HECW1: variants seen among roughly 807,000 people sequenced by gnomAD.
HECW1 encodes the protein HECT, C2 and WW domain containing E3 ubiquitin protein ligase 1.
HECW1 carries 61 observed loss-of-function variants against 182.3 expected under a neutral mutation model. The ratio of observed to expected loss-of-function variants is 0.33; its 90% CI spans 0.27 to 0.41. The LOEUF (loss-of-function observed/expected upper bound fraction) is 0.41. HECW1 is among the 10% of genes least tolerant of loss of function. The pLI, the probability that HECW1 is intolerant of heterozygous loss-of-function variation, is 1.00. For synonymous variants in HECW1, 859 were observed against 832.6 expected, an observed-to-expected ratio of 1.03 and a Z score of -0.55; for missense variants, 1,739 against 2,108.9, an observed-to-expected ratio of 0.82 and a Z score of 3.44.
At chr7:43,185,059 C>A (rs1583865722) in intron 2 of HECW1, among the ~76,000 whole-genome samples, 2 of 152,118 alleles carry the variant, frequency 1.3e-5, no homozygotes, top group African/African-American at 2.4e-5. Context: ...GGGGATTACA[C>A]TTTAACATGA....
At chr7:43,377,108 C>T (rs2074363299) in intron 6 of HECW1, among the ~76,000 whole-genome samples, 1 of 152,148 alleles carries the variant, frequency 6.6e-6, no homozygotes, top group East Asian at 1.9e-4. Flanking sequence ...TCAGAGATGC[C>T]TGGGACTGTG....
At chr7:43,288,118 A>G (rs1386580724) in intron 3 of HECW1, among the ~76,000 whole-genome samples, 2 of 152,198 alleles carry the variant, frequency 1.3e-5, no homozygotes, top group Admixed American at 6.5e-5. Flanking sequence ...TGTTTCATCA[A>G]GAGTGTTATA....
chr7:43,538,434 A>T (rs1334080203), intron 24 of HECW1, among the ~76,000 whole-genome samples: 1 of 152,210 alleles, frequency 6.6e-6, no homozygotes, highest in East Asian at 1.9e-4. Context: ...AACATAAAAA[A>T]CTAATAGCAA....
chr7:43,139,658 GTT>G (rs1787949251), intron 2 of HECW1, among the ~76,000 whole-genome samples: 1 of 151,804 alleles, frequency 6.6e-6, no homozygotes, highest in African/African-American at 2.4e-5. Flanking sequence ...CTGCTTTTTA[GTT>G]TTCCCTTATT....
intron 21 of HECW1, among the ~76,000 whole-genome samples, chr7:43,505,092 T>C (rs1402102539): frequency 1.3e-5 from 2 of 152,098 alleles, no homozygotes; most frequent in Non-Finnish European, 2.9e-5. Flanking sequence ...ATCCTCCCCT[T>C]CTATCATCCT....
At chr7:43,351,697 T>A (rs1413102440) in intron 5 of HECW1, among the ~76,000 whole-genome samples, 1 of 146,090 alleles carries the variant, frequency 6.8e-6, no homozygotes, top group Non-Finnish European at 1.5e-5. Flanking sequence ...TTTTTTTTTT[T>A]ACATTGCCTT....
At chr7:43,419,875 A>T (rs1357890018) in intron 8 of HECW1, among the ~76,000 whole-genome samples, 1 of 152,226 alleles carries the variant, frequency 6.6e-6, no homozygotes, top group Non-Finnish European at 1.5e-5. Flanking sequence ...TTATAACCTG[A>T]CACGTCCACT....
chr7:43,481,341 T>C (rs1301809671), intron 17 of HECW1, among the ~76,000 whole-genome samples: 1 of 152,244 alleles, frequency 6.6e-6, no homozygotes, highest in Non-Finnish European at 1.5e-5. Context: ...TCAAGCTCTT[T>C]AATCTCATTA....
intron 28 of HECW1, 74 bp from the exon 29 acceptor site, chr7:43,554,518 G>T: frequency 7.7e-7 from 1 of 1,303,796 alleles, no homozygotes; most frequent in South Asian, 1.3e-5. Flanking sequence ...TGATGTGTTT[G>T]ATCTCTCTCT....
At chr7:43,208,442 G>A (rs1445594392) in intron 2 of HECW1, among the ~76,000 whole-genome samples, 2 of 152,162 alleles carry the variant, frequency 1.3e-5, no homozygotes, top group Non-Finnish European at 2.9e-5. Context: ...ATTATCCTGA[G>A]TTATTGGGGT....
intron 6 of HECW1, among the ~76,000 whole-genome samples, chr7:43,370,057 A>G (rs1259670256): frequency 6.6e-6 from 1 of 152,236 alleles, no homozygotes; most frequent in Non-Finnish European, 1.5e-5. Context: ...CCATCAAGAG[A>G]ATGAGAAGAC....
At chr7:43,283,131 A>G (rs771791643) in intron 3 of HECW1, among the ~76,000 whole-genome samples, 27 of 152,186 alleles carry the variant, frequency 1.8e-4, no homozygotes, top group South Asian at 4.2e-4. Context: ...TCCAAAAAAA[A>G]AAAGAAAGAA....
intron 2 of HECW1, among the ~76,000 whole-genome samples, chr7:43,168,799 G>T (rs1049979273): frequency 1.6e-4 from 25 of 152,256 alleles, no homozygotes; most frequent in African/African-American, 5.8e-4. Context: ...TATACGCAAG[G>T]ATACTCAGTT....
At chr7:43,151,755 A>G (rs1166036256) in intron 2 of HECW1, among the ~76,000 whole-genome samples, 3 of 152,220 alleles carry the variant, frequency 2.0e-5, no homozygotes, top group African/African-American at 7.2e-5. Flanking sequence ...CTGAGAGGAT[A>G]GATTTAGTGT....
chr7:43,550,666 C>T, intron 27 of HECW1, 75 bp downstream of exon 27: 1 of 1,429,556 alleles, frequency 7.0e-7, no homozygotes, highest in Non-Finnish European at 9.5e-7. Flanking sequence ...TCCAGGCTCC[C>T]TGAGGGAGCA....
Position 43,445,210 on chromosome 7 carries a change from C to CCCTCGTGCTACAGCT in HECW1, c.2053_2067dup (p.Ser685_Ser689dup), listed in dbSNP as rs764158480. On this transcript the variant is annotated inframe_insertion, in exon 11 of 30. Transcript: ENST00000395891. The stretch of plus-strand genomic sequence containing the variant: ...GGGCTGTGACGCGTCCTGCTGCAGC[C>CCCTCGTGCTACAGCT]CCTCGTGCTACAGCTCCTCGTGCTA... 18 of 1,613,316 alleles carry CCCTCGTGCTACAGCT rather than the reference C, an allele frequency of 1.1e-5. No individual in the cohort carries two copies. Among genetic ancestry groups the CCCTCGTGCTACAGCT allele is most frequent in the Admixed American group, 1.7e-5 (1 of 60,002 alleles).
At chr7:43,414,142 T>A (rs1398540581) in intron 8 of HECW1, among the ~76,000 whole-genome samples, 4 of 151,746 alleles carry the variant, frequency 2.6e-5, no homozygotes, top group Admixed American at 6.6e-5. Flanking sequence ...GAGCAGTGGT[T>A]TCTAGTTCTC....
chr7:43,402,251 A>C (rs189344917), intron 7 of HECW1, among the ~76,000 whole-genome samples: 1 of 152,284 alleles, frequency 6.6e-6, no homozygotes, highest in Non-Finnish European at 1.5e-5. Context: ...GCAGAGCTAA[A>C]GGAGCACTGT....
intron 16 of HECW1, among the ~76,000 whole-genome samples, chr7:43,473,857 C>T (rs570425947): frequency 6.6e-6 from 1 of 151,846 alleles, no homozygotes; most frequent in East Asian, 1.9e-4. Context: ...ACAAAGCACA[C>T]AAAAAATTGC....
Sources: gnomAD v4.1 joint callset for allele counts (sites outside exome capture counted in the v4.1 genomes callset) on GRCh38, gnomAD v4.1.1 for gene constraint, MANE v1.5 for transcripts, NCBI Gene and HGNC (gene_info 2026-07-23, HGNC 2026-07-21) for gene names.